The following LRRC2 variants were observed in gnomAD, a reference collection of about 807,000 sequenced individuals.
The protein encoded by LRRC2 is leucine rich repeat containing 2, also known as leucine-rich repeat-containing protein 2.
In LRRC2, 27 loss-of-function variants were observed where a neutral mutation model predicts 40.2. That is an observed-to-expected ratio of 0.67 (90% CI 0.49 to 0.93). LRRC2 has a LOEUF of 0.93. Among genes scored for constraint, LRRC2 ranks in the 40% least tolerant of loss-of-function variants. The probability of loss-of-function intolerance (pLI) is 0.00; values close to 1 mark genes in which losing one functional copy is unlikely to be tolerated. For missense variants in LRRC2, 402 were observed against 439.6 expected, an observed-to-expected ratio of 0.91 and a Z score of 0.76; for synonymous variants, 147 against 158.9, an observed-to-expected ratio of 0.92 and a Z score of 0.56.
intron 7 of LRRC2, among the ~76,000 whole-genome samples, chr3:46,526,930 C>A (rs561638463): frequency 6.6e-6 from 1 of 152,356 alleles, no homozygotes; most frequent in African/African-American, 2.4e-5. Flanking sequence ...CCATCAGCTG[C>A]CTTGGAGTCA....
chr3:46,533,106 CAG>C (rs1420824861), intron 4 of LRRC2, among the ~76,000 whole-genome samples, 197 bp from the exon 5 acceptor site: 2 of 152,200 alleles, frequency 1.3e-5, no homozygotes, highest in Non-Finnish European at 2.9e-5. Flanking sequence ...CTGGAAATCA[CAG>C]AGTTTTTCAG....
intron 4 of LRRC2, 115 bp from the exon 5 acceptor site, chr3:46,533,024 C>A (rs1479154678): frequency 2.4e-5 from 26 of 1,101,308 alleles, no homozygotes; most frequent in Non-Finnish European, 2.6e-6. Context: ...AGGAACTAAA[C>A]ATAATTTAGT....
intron 1 of LRRC2, among the ~76,000 whole-genome samples, chr3:46,565,913 G>T (rs1265415481): frequency 6.6e-6 from 1 of 152,194 alleles, no homozygotes; most frequent in African/African-American, 2.4e-5. Flanking sequence ...CACTCGCGGG[G>T]ACCCCTGCCT....
chr3:46,551,846 T>C (rs1704663479), intron 1 of LRRC2, among the ~76,000 whole-genome samples: 1 of 149,478 alleles, frequency 6.7e-6, no homozygotes, highest in African/African-American at 2.5e-5. Flanking sequence ...TTGCCCAGGC[T>C]GGAATGCAGT....
intron 1 of LRRC2, among the ~76,000 whole-genome samples, chr3:46,552,534 C>T (rs574479123): frequency 6.6e-6 from 1 of 152,276 alleles, no homozygotes; most frequent in Non-Finnish European, 1.5e-5. Flanking sequence ...TCTTCCGTAA[C>T]CCATCACCTC....
intron 8 of LRRC2, among the ~76,000 whole-genome samples, chr3:46,519,674 G>A (rs1332536321): frequency 6.6e-6 from 1 of 152,200 alleles, no homozygotes; most frequent in East Asian, 1.9e-4. Flanking sequence ...CCTGCCCCAG[G>A]CCTGATGAGT....
intron 7 of LRRC2, among the ~76,000 whole-genome samples, chr3:46,525,173 C>T (rs1023465840): frequency 4.7e-5 from 7 of 150,130 alleles, no homozygotes; most frequent in Admixed American, 2.0e-4. Context: ...ACTGCAGCCT[C>T]GACCTCCCAA....
chr3:46,519,075 A>G lies in LRRC2; in HGVS notation c.1067-12T>C. On this transcript the variant is annotated splice_polypyrimidine_tract_variant and intron_variant, in intron 8 of 8. Transcript: ENST00000395905. ...GCTGGGAACAGATTCTGTAACAGAA[A>G]GAAAAAAGTATGCTCAATCATTCAC... is the stretch of plus-strand genomic sequence containing the variant. 1 of 1,596,242 alleles carries G rather than the reference A, an allele frequency of 6.3e-7. No homozygotes were observed. The highest frequency in any genetic ancestry group is 8.6e-7 in the Non-Finnish European group (1 of 1,164,152).
chr3:46,528,300 T>C (rs909130321), intron 6 of LRRC2, among the ~76,000 whole-genome samples: 3 of 152,050 alleles, frequency 2.0e-5, no homozygotes, highest in African/African-American at 7.2e-5. Flanking sequence ...ACACTTTTTT[T>C]TTTTTTTAAT....
chr3:46,564,809 C>G (rs574382002), intron 1 of LRRC2, among the ~76,000 whole-genome samples: 9 of 152,182 alleles, frequency 5.9e-5, no homozygotes, highest in South Asian at 4.1e-4. Flanking sequence ...CCCTTCCAGG[C>G]GTGTCATCAA....
At position 46,545,145 on chromosome 3, in the gene LRRC2, C is replaced by A; in HGVS notation, c.234G>T (p.Lys78Asn). 1 of 1,614,204 alleles carries A rather than the reference C, an allele frequency of 6.2e-7. No individual in the cohort carries two copies. Among genetic ancestry groups the A allele is most frequent in the South Asian group, 1.1e-5 (1 of 91,076 alleles). ...GCCTTGTGAGAGTGTTCCTTTCAAT[C>A]TTGTCCAGAAGCCGCACGCTGGTGT... ...FIDTSVRLLDKIERNTLTRQS... is the reference protein window; with the variant it reads ...FIDTSVRLLDNIERNTLTRQS... The change falls in exon 3 of 9, where the codon AAG becomes AAT. Residue 78 changes from lysine to asparagine, a missense_variant. Physicochemically the swap from Lys to Asn is moderately conservative, Grantham distance 94. Transcript: ENST00000395905.
At chr3:46,524,561 C>A (rs1704023181) in intron 7 of LRRC2, among the ~76,000 whole-genome samples, 1 of 152,188 alleles carries the variant, frequency 6.6e-6, no homozygotes, top group South Asian at 2.1e-4. Flanking sequence ...TGGTTTGTTC[C>A]ACCTTACTTT....
chr3:46,565,921 C>G (rs958166166), intron 1 of LRRC2, among the ~76,000 whole-genome samples: 2 of 152,242 alleles, frequency 1.3e-5, no homozygotes, highest in African/African-American at 4.8e-5. Context: ...GGGACCCCTG[C>G]CTCCCCACGC....
At chr3:46,537,551 T>C (rs1372745377) in intron 4 of LRRC2, among the ~76,000 whole-genome samples, 1 of 152,180 alleles carries the variant, frequency 6.6e-6, no homozygotes, top group Non-Finnish European at 1.5e-5. Context: ...ATGTAAATGA[T>C]AATGATTCAG....
chr3:46,543,533 G>A (rs1000473731), intron 3 of LRRC2, among the ~76,000 whole-genome samples: 4 of 151,850 alleles, frequency 2.6e-5, no homozygotes, highest in Non-Finnish European at 5.9e-5. Context: ...GGAGAATGGC[G>A]TGAACCCGGG....
At chr3:46,533,894 CTTTCT>C (rs1704215489) in intron 4 of LRRC2, among the ~76,000 whole-genome samples, 1 of 143,466 alleles carries the variant, frequency 7.0e-6, no homozygotes, top group East Asian at 2.0e-4. Flanking sequence ...TCCTTCCTTC[CTTTCT>C]TTTCTTTTTT....
At chr3:46,541,161 G>A (rs1246222642) in intron 3 of LRRC2, among the ~76,000 whole-genome samples, 5 of 151,726 alleles carry the variant, frequency 3.3e-5, no homozygotes, top group Admixed American at 1.3e-4. Flanking sequence ...GTGAAACTCC[G>A]TCTCTACTAA....
chr3:46,529,811 G>A, intron 6 of LRRC2, 94 bp downstream of exon 6: 1 of 1,291,016 alleles, frequency 7.7e-7, no homozygotes, highest in Non-Finnish European at 1.1e-6. Flanking sequence ...TGATTCCAAA[G>A]AACATTCATG....
At chr3:46,543,851 A>G (rs920517812) in intron 3 of LRRC2, among the ~76,000 whole-genome samples, 1 of 151,962 alleles carries the variant, frequency 6.6e-6, no homozygotes, top group African/African-American at 2.4e-5. Flanking sequence ...TTACCTACTG[A>G]TCTCAATGAT....
Sources: gnomAD v4.1 joint callset for allele counts (sites outside exome capture counted in the v4.1 genomes callset) on GRCh38, gnomAD v4.1.1 for gene constraint, MANE v1.5 for transcripts, NCBI Gene and HGNC (gene_info 2026-07-23, HGNC 2026-07-21) for gene names.